Variants in TBC1D24 observed in about 807,000 individuals in gnomAD.
TBC1D24 encodes TBC1 domain family member 24, also known as Infantile myoclonic epilepsy.
A neutral mutation model predicts 50.7 loss-of-function variants in TBC1D24; 47 were observed. The observed-to-expected ratio is 0.93, with a 90% CI of 0.73 to 1.18. The LOEUF (loss-of-function observed/expected upper bound fraction) is 1.18. Ranked by LOEUF, TBC1D24 falls within the 50% of genes most tolerant of loss-of-function variation. The probability of loss-of-function intolerance (pLI) is 0.00; values close to 1 mark genes in which losing one functional copy is unlikely to be tolerated. For missense variants in TBC1D24, 688 were observed against 766.5 expected (o/e 0.90, Z 1.21); for synonymous variants, 324 against 335.2 (o/e 0.97, Z 0.36).
chr16:2,501,103 C>G lies in TBC1D24; in HGVS notation c.*145C>G, dbSNP rs887433181. ...ACCCCATGGCCAAGCCTGGCGTTGC[C>G]TGGACCTGCTGCTGCCTCTACCTGG... On this transcript the variant is annotated 3_prime_UTR_variant, in exon 8 of 8. Coordinates refer to ENST00000646147, the MANE Select transcript of TBC1D24 (RefSeq NM_001199107.2). The G allele has an allele frequency of 1.3e-4, 135 of 1,043,082 alleles. No homozygotes were observed. In the African/African-American group the frequency reaches 2.0e-3, roughly 15 times the overall value. 64.6% of individuals were successfully genotyped at this position (1,043,082 alleles called of 1,614,324 possible).
chr16:2,478,780 T>C (rs1176292918), intron 1 of TBC1D24: 1 of 151,836 alleles, frequency 6.6e-6, no homozygotes, highest in African/African-American at 2.4e-5. Context: ...TCTCCTAGTC[T>C]GGAGTGCAGT....
At position 2,482,986 on chromosome 16, in the gene TBC1D24, G is replaced by A. The variant is rs1262964367; in HGVS notation, c.-116+7816G>A. 6.5e-6 allele frequency: 1 copy of A among 153,028 alleles called. No homozygotes were observed. Among genetic ancestry groups the A allele is most frequent in the Non-Finnish European group, 1.5e-5 (1 of 68,608 alleles). 9.5% of individuals were successfully genotyped at this position (153,028 alleles called of 1,614,324 possible). A position where few individuals can be genotyped will look rare whatever the true frequency, so the allele number is the denominator to read the frequency against. ...AGAAGGAAAACGGAGAAGAGGTGGA[G>A]CTGGAGTGGAGCCTCAGGCCCTGTG... On this transcript the variant is annotated intron_variant, in intron 1 of 7. Coordinates refer to ENST00000646147, the MANE Select transcript of TBC1D24 (RefSeq NM_001199107.2). The surrounding 1 kb of genome is among the most constrained non-coding windows in gnomAD (Gnocchi z 5.2).
Position 2,501,489 on chromosome 16 carries a change from CT to C in TBC1D24, c.*532del, listed in dbSNP as rs1295086243. ...AGACTGGCACCCTTGGGCCTGCCCC[CT>C]GGCGGACCCCACCCCCTGTCCTGGG... On this transcript the variant is annotated 3_prime_UTR_variant, in exon 8 of 8. Coordinates refer to ENST00000646147, the MANE Select transcript of TBC1D24 (RefSeq NM_001199107.2). 1.2e-5 allele frequency: 2 copies of C among 161,330 alleles called. No individual in the cohort carries two copies. Among genetic ancestry groups the C allele is most frequent in the Admixed American group, 1.2e-4 (2 of 16,768 alleles). The allele number at this position is 161,330 out of a possible 1,614,324, so 10.0% of individuals were successfully genotyped here. A position where few individuals can be genotyped will look rare whatever the true frequency, so the allele number is the denominator to read the frequency against.
chr16:2,484,420 G>A, intron 1 of TBC1D24: 1 of 152,572 alleles, frequency 6.6e-6, no homozygotes, highest in Non-Finnish European at 1.5e-5. Flanking sequence ...CGCCCAGTCT[G>A]CCCTGCCAAC....
In TBC1D24 at chr16:2,486,012, G is replaced by T. The variant is rs1011202325; in HGVS notation, c.-115-10022G>T. On this transcript the variant is annotated intron_variant, in intron 1 of 7. Coordinates refer to ENST00000646147, the MANE Select transcript of TBC1D24 (RefSeq NM_001199107.2). This position sits in a 1 kb window ranked among gnomAD's most constrained non-coding sequence, Gnocchi z 5.8. ...CCTGGATCTTGCGGATCTCGCGCCCGGGCTGGAATGCCTGTGCTGCCCTCC... is the reference window on the plus strand; with the variant it reads ...CCTGGATCTTGCGGATCTCGCGCCCTGGCTGGAATGCCTGTGCTGCCCTCC... Among the ~76,000 whole-genome samples the T allele has an allele frequency of 3.9e-5, 6 of 152,176 alleles. No individual in the cohort carries two copies. Among genetic ancestry groups the T allele is most frequent in the Non-Finnish European group, 8.8e-5 (6 of 68,026 alleles).
rs776290157 is a variant in TBC1D24, at chr16:2,500,993, C to T, written c.*35C>T. The T allele has an allele frequency of 8.7e-6, 14 of 1,603,940 alleles. No homozygotes were observed. The African/African-American group carries it at 1.1e-4, about 12-fold the overall frequency. On this transcript the variant is annotated 3_prime_UTR_variant, in exon 8 of 8. Transcript: ENST00000646147. The surrounding 1 kb of genome is among the most constrained non-coding windows in gnomAD (Gnocchi z 8.0). ...CCACGGTGACTGAGCCGTGGTGGGGCGGTGGGCCGAGGCTGGGCTGCCGCC... is the reference window on the plus strand; with the variant it reads ...CCACGGTGACTGAGCCGTGGTGGGGTGGTGGGCCGAGGCTGGGCTGCCGCC...
chr16:2,476,299 G>A (rs368954107), intron 1 of TBC1D24, among the ~76,000 whole-genome samples: 240 of 152,340 alleles, frequency 1.6e-3, no homozygotes, highest in African/African-American at 4.8e-3. Context: ...TCCTCCGCCC[G>A]AGGGCCAGGG....
chr16:2,488,711 T>C (rs530541057), intron 1 of TBC1D24, among the ~76,000 whole-genome samples: 1 of 149,968 alleles, frequency 6.7e-6, no homozygotes, highest in Non-Finnish European at 1.5e-5. Flanking sequence ...GGTTTCACCA[T>C]GTTAGCCAGG....
chr16:2,490,572 G>C (rs2065687541), intron 1 of TBC1D24, among the ~76,000 whole-genome samples: 1 of 152,180 alleles, frequency 6.6e-6, no homozygotes, highest in African/African-American at 2.4e-5. Flanking sequence ...CTGTTCATGG[G>C]GTGTCACCCT....
intron 4 of TBC1D24, among the ~76,000 whole-genome samples, chr16:2,498,811 C>T (rs2065766382): frequency 6.6e-6 from 1 of 152,220 alleles, no homozygotes; most frequent in African/African-American, 2.4e-5. Flanking sequence ...TCCCTCCAGC[C>T]TTGGACAGCA....
chr16:2,489,644 C>T (rs909615740), intron 1 of TBC1D24, among the ~76,000 whole-genome samples: 1 of 152,098 alleles, frequency 6.6e-6, no homozygotes, highest in Non-Finnish European at 1.5e-5. Context: ...TAGGAGGGGA[C>T]GGTGGCCTGT....
intron 1 of TBC1D24, among the ~76,000 whole-genome samples, chr16:2,493,875 C>A (rs898553356): frequency 6.6e-6 from 1 of 152,252 alleles, no homozygotes; most frequent in Non-Finnish European, 1.5e-5. Flanking sequence ...CAACCACCCC[C>A]ACTTGACTTC....
rs757211798 is a variant in TBC1D24 at position 2,500,373 on chromosome 16, TC to T, written c.1410del (p.Ala471ProfsTer52). 6.2e-7 allele frequency: 1 copy of T among 1,607,588 alleles called. No homozygotes were observed. The highest frequency in any genetic ancestry group is 1.1e-5 in the South Asian group (1 of 89,796). Reference protein sequence around the residue: ...AAEPTAPLSHSASSDPADRLS... With the variant: ...AAEPTAPLSHXASSDPADRLS... The stretch of plus-strand genomic sequence containing the variant: ...CGAGCCCACCGCCCCACTCAGCCAC[TC>T]CGCCTCCTCAGACCCCGCTGACCGC... On this transcript the variant is annotated frameshift_variant, in exon 7 of 8. Transcript: ENST00000646147. LOFTEE classifies it high-confidence loss of function. This position sits in a 1 kb window ranked among gnomAD's most constrained non-coding sequence, Gnocchi z 8.0.
At chr16:2,480,448 G>A (rs772504710) in intron 1 of TBC1D24, 1 of 151,998 alleles carries the variant, frequency 6.6e-6, no homozygotes, top group Non-Finnish European at 1.5e-5. Flanking sequence ...TTTCTTGCAG[G>A]TCATTGAGAA....
chr16:2,477,217 C>T (rs1409948289), intron 1 of TBC1D24: 2 of 152,208 alleles, frequency 1.3e-5, no homozygotes, highest in Non-Finnish European at 2.9e-5. Context: ...AACAAAACCT[C>T]AGGCTTTTTA....
intron 1 of TBC1D24, among the ~76,000 whole-genome samples, chr16:2,491,555 ATTT>A (rs34967659): frequency 2.2e-5 from 3 of 134,384 alleles, no homozygotes; most frequent in African/African-American, 2.7e-5. Flanking sequence ...CGCCTGGCTA[ATTT>A]TTTTTTTTTT....
rs771797290 is a variant in TBC1D24 at position 2,487,560 on chromosome 16, G to A, written c.-115-8474G>A. On this transcript the variant is annotated intron_variant, in intron 1 of 7. Transcript: ENST00000646147. This position sits in a 1 kb window ranked among gnomAD's most constrained non-coding sequence, Gnocchi z 4.1. The stretch of plus-strand genomic sequence containing the variant: ...ACATTCCCCTCTGAAGAAGCGAGAC[G>A]TGCAGAGGCCTCGTGACTCAGGCTG... 2.0e-5 allele frequency among the ~76,000 whole-genome samples: 3 copies of A among 152,226 alleles called. No individual in the cohort carries two copies. The highest frequency in any genetic ancestry group is 4.4e-5 in the Non-Finnish European group (3 of 68,036).
At position 2,504,200 on chromosome 16, in the gene TBC1D24, C is replaced by T. The variant is rs772726094; in HGVS notation, c.*3242C>T. The T allele has an allele frequency of 1.4e-4, 21 of 152,104 alleles. No individual in the cohort carries two copies. The highest frequency in any genetic ancestry group is 2.0e-4 in the Admixed American group (3 of 15,266). The allele number at this position is 152,104 out of a possible 1,614,324, so 9.4% of individuals were successfully genotyped here. On this transcript the variant is annotated 3_prime_UTR_variant, in exon 8 of 8. Coordinates refer to ENST00000646147, the MANE Select transcript of TBC1D24 (RefSeq NM_001199107.2). Reference sequence around the variant, plus strand: ...ATATTTCTCTTATCCACTTTCTGAACCCATAAAGCCTTTGCAGTCTCCTTG... The same window carrying T: ...ATATTTCTCTTATCCACTTTCTGAATCCATAAAGCCTTTGCAGTCTCCTTG...
intron 1 of TBC1D24, among the ~76,000 whole-genome samples, chr16:2,488,177 G>A (rs1438918739): frequency 1.3e-5 from 2 of 152,236 alleles, no homozygotes; most frequent in Non-Finnish European, 2.9e-5. Context: ...GCGCCTTCAG[G>A]GGGTTTGCTG....
Sources: allele counts gnomAD v4.1 joint callset (sites outside exome capture counted in the v4.1 genomes callset), GRCh38; gene constraint gnomAD v4.1.1; non-coding constraint Gnocchi (gnomAD v3.1); transcripts MANE v1.5; gene names NCBI Gene and HGNC (gene_info 2026-07-23, HGNC 2026-07-21).